Variants in TMEM178B observed in about 807,000 individuals in gnomAD.
The protein encoded by TMEM178B is transmembrane protein 178B.
In TMEM178B, 5 loss-of-function variants were observed where a neutral mutation model predicts 31.0. That is an observed-to-expected ratio of 0.16 (90% CI 0.08 to 0.34). The LOEUF (loss-of-function observed/expected upper bound fraction) is 0.34. Ranked by LOEUF, TMEM178B falls within the 10% of genes least tolerant of loss-of-function variation. The probability of loss-of-function intolerance (pLI) is 1.00; values close to 1 mark genes in which losing one functional copy is unlikely to be tolerated. For missense variants in TMEM178B, 275 were observed against 400.3 expected, an observed-to-expected ratio of 0.69 and a Z score of 2.67; for synonymous variants, 164 against 164.0, an observed-to-expected ratio of 1.00 and a Z score of 0.00.
Position 141,373,638 on chromosome 7 carries a change from G to A in TMEM178B, c.497-63970G>A, listed in dbSNP as rs569536178. The stretch of plus-strand genomic sequence containing the variant: ...GAGACAAGGGGATCAGGCCTAATAC[G>A]GCCACCCTCCACCCCCCCAACACAC... On this transcript the variant is annotated intron_variant, in intron 2 of 3. Coordinates refer to ENST00000565468, the MANE Select transcript of TMEM178B (RefSeq NM_001195278.2). Among the ~76,000 whole-genome samples the A allele has an allele frequency of 1.5e-4, 23 of 152,234 alleles. No individual in the cohort carries two copies. In the East Asian group the frequency reaches 4.1e-3, roughly 27 times the overall value.
At chr7:141,510,685 C>CAAA in the TMEM178B span, among the ~76,000 whole-genome samples, 4,528 of 24,846 alleles carry the variant, frequency 0.18, 1,077 homozygotes, top group East Asian at 0.37. Flanking sequence ...AACTCCGTCT[C>CAAA]AAAAAAAAAA....
the TMEM178B span, among the ~76,000 whole-genome samples, chr7:141,497,800 C>G: frequency 6.6e-6 from 1 of 152,078 alleles, no homozygotes; most frequent in African/African-American, 2.4e-5. Flanking sequence ...TCAAATCCTT[C>G]TCTTTGACTA....
intron 2 of TMEM178B, among the ~76,000 whole-genome samples, chr7:141,222,131 C>T (rs1412257387): frequency 6.6e-6 from 1 of 152,124 alleles, no homozygotes; most frequent in Non-Finnish European, 1.5e-5. Context: ...GAAGCAGGAC[C>T]TGTATTTGTG....
intron 2 of TMEM178B, among the ~76,000 whole-genome samples, chr7:141,287,565 G>A (rs1458918847): frequency 2.0e-5 from 3 of 152,168 alleles, no homozygotes; most frequent in Admixed American, 6.5e-5. Flanking sequence ...CATATACTCA[G>A]GAGCCACCAG....
At chr7:141,160,867 G>GT (rs895854898) in intron 1 of TMEM178B, among the ~76,000 whole-genome samples, 1 of 151,962 alleles carries the variant, frequency 6.6e-6, no homozygotes, top group Non-Finnish European at 1.5e-5. Flanking sequence ...CTTTTTCTTT[G>GT]TTTTTTTGAG....
intron 1 of TMEM178B, among the ~76,000 whole-genome samples, chr7:141,196,206 T>C (rs1206488060): frequency 6.6e-6 from 1 of 152,246 alleles, no homozygotes; most frequent in African/African-American, 2.4e-5. Flanking sequence ...TATTCTATCA[T>C]GTGAATGTGA....
At chr7:141,498,991 A>C in the TMEM178B span, among the ~76,000 whole-genome samples, 1 of 152,352 alleles carries the variant, frequency 6.6e-6, no homozygotes, top group East Asian at 1.9e-4. Context: ...TTACTTAAAA[A>C]GCAGAGGGTG....
At chr7:141,280,633 G>A (rs1246323793) in intron 2 of TMEM178B, among the ~76,000 whole-genome samples, 3 of 152,176 alleles carry the variant, frequency 2.0e-5, no homozygotes, top group Non-Finnish European at 4.4e-5. Context: ...TTTATCAGCA[G>A]TGAAAACGGA....
chr7:141,163,901 G>A (rs1796218662), intron 1 of TMEM178B, among the ~76,000 whole-genome samples: 1 of 152,150 alleles, frequency 6.6e-6, no homozygotes, highest in Non-Finnish European at 1.5e-5. Flanking sequence ...AGTGAACACT[G>A]AATGATTTTT....
intron 2 of TMEM178B, among the ~76,000 whole-genome samples, chr7:141,264,399 C>G (rs1798061936): frequency 6.6e-6 from 1 of 152,146 alleles, no homozygotes; most frequent in Admixed American, 6.5e-5. Context: ...ACTTCCCATG[C>G]CAGATGCAGA....
chr7:141,458,607 GAAAACA>G (rs1802007825), intron 3 of TMEM178B, among the ~76,000 whole-genome samples: 3 of 152,044 alleles, frequency 2.0e-5, no homozygotes, highest in Non-Finnish European at 4.4e-5. Flanking sequence ...TGATGGAGAT[GAAAACA>G]GGAAACATTT....
At chr7:141,459,829 T>C (rs925342230) in intron 3 of TMEM178B, among the ~76,000 whole-genome samples, 1 of 151,704 alleles carries the variant, frequency 6.6e-6, no homozygotes, top group African/African-American at 2.4e-5. Flanking sequence ...CAGTGTAGAG[T>C]CTTCCAGGGC....
At chr7:141,205,207 T>A (rs1446599072) in intron 1 of TMEM178B, among the ~76,000 whole-genome samples, 1 of 152,214 alleles carries the variant, frequency 6.6e-6, no homozygotes, top group Non-Finnish European at 1.5e-5. Context: ...TAGGAAAATC[T>A]GCTGTAACTG....
intron 1 of TMEM178B, among the ~76,000 whole-genome samples, chr7:141,126,090 A>T (rs143877783): frequency 4.9e-4 from 75 of 152,338 alleles, no homozygotes; most frequent in African/African-American, 1.6e-3. Flanking sequence ...ATTGTGTGAA[A>T]TGAGTGATCA....
At chr7:141,403,970 C>A (rs981358148) in intron 2 of TMEM178B, among the ~76,000 whole-genome samples, 1 of 152,174 alleles carries the variant, frequency 6.6e-6, no homozygotes, top group African/African-American at 2.4e-5. Flanking sequence ...TGTTAGTTTT[C>A]TAGGGCTGCC....
At chr7:141,107,276 G>T (rs1051480922) in intron 1 of TMEM178B, among the ~76,000 whole-genome samples, 48 of 152,198 alleles carry the variant, frequency 3.2e-4, no homozygotes, top group Admixed American at 2.5e-3. Flanking sequence ...ACTCTGAGAT[G>T]AGAGGTTGTT....
chr7:141,277,734 C>T (rs1798289483), intron 2 of TMEM178B, among the ~76,000 whole-genome samples: 1 of 152,106 alleles, frequency 6.6e-6, no homozygotes, highest in African/African-American at 2.4e-5. Flanking sequence ...TATGGAGGGG[C>T]AGCTGACCTA....
chr7:141,401,337 G>T (rs1367813018), intron 2 of TMEM178B, among the ~76,000 whole-genome samples: 1 of 152,228 alleles, frequency 6.6e-6, no homozygotes, highest in African/African-American at 2.4e-5. Context: ...GAATGAGATT[G>T]CTAGGTAAGA....
chr7:141,434,812 T>A (rs1801504624), intron 2 of TMEM178B, among the ~76,000 whole-genome samples: 1 of 152,202 alleles, frequency 6.6e-6, no homozygotes, highest in South Asian at 2.1e-4. Context: ...TGTACTTTGA[T>A]TAGATCAACA....
Sources: allele counts gnomAD v4.1 joint callset (sites outside exome capture counted in the v4.1 genomes callset), GRCh38; gene constraint gnomAD v4.1.1; transcripts MANE v1.5; gene names NCBI Gene and HGNC (gene_info 2026-07-23, HGNC 2026-07-21).